Variants in SVIL observed in about 807,000 individuals in gnomAD.
SVIL encodes archvillin.
Under a neutral mutation model 240.4 loss-of-function variants are expected in SVIL, and 101 were observed. That is an observed-to-expected ratio of 0.42 (90% CI 0.36 to 0.50). The LOEUF (loss-of-function observed/expected upper bound fraction) is 0.50. Ranked by LOEUF, SVIL falls within the 20% of genes least tolerant of loss-of-function variation. The pLI is 0.01. For missense variants in SVIL, 2,512 were observed against 2,818.7 expected (o/e 0.89, Z 2.46); for synonymous variants, 999 against 1,100.0 (o/e 0.91, Z 1.82).
At chr10:29,494,787 G>T in intron 20 of SVIL, 127 bp downstream of exon 20, 1 of 878,690 alleles carries the variant, frequency 1.1e-6, no homozygotes, top group Non-Finnish European at 1.8e-6. Flanking sequence ...ACGTTATCAA[G>T]TGAATCAGGG....
intron 2 of SVIL, among the ~76,000 whole-genome samples, chr10:29,677,003 T>C (rs548529110): frequency 6.6e-6 from 1 of 152,328 alleles, no homozygotes; most frequent in South Asian, 2.1e-4. Context: ...ACAAAGTAAC[T>C]GGATCAACTA....
At chr10:29,598,668 C>G (rs531323392) in intron 1 of SVIL, among the ~76,000 whole-genome samples, 1 of 152,150 alleles carries the variant, frequency 6.6e-6, no homozygotes, top group Non-Finnish European at 1.5e-5. Flanking sequence ...AAGGATAATC[C>G]ATATGTTTGA....
Position 29,458,274 on chromosome 10 carries a change from G to A in SVIL, c.6618C>T (p.Asn2206=), listed in dbSNP as rs956315379. The A allele has an allele frequency of 2.5e-6, 4 of 1,614,206 alleles. No homozygotes were observed. The highest frequency in any genetic ancestry group is 1.7e-5 in the Admixed American group (1 of 60,026). ...YNALPAWKQV[N]LKKAKGLF ...AGAACAGGCCTTTTGCTTTCTTCAG[G>A]TTCACCTGCTTCCAGGCGGGCAGGG... Residue 2206 remains asparagine, a synonymous_variant, in exon 38 of 38, where the codon AAC becomes AAT. Coordinates refer to ENST00000355867, the MANE Select transcript of SVIL (RefSeq NM_021738.3).
chr10:29,649,449 A>AT (rs1958770682), intron 3 of SVIL, among the ~76,000 whole-genome samples: 1 of 152,220 alleles, frequency 6.6e-6, no homozygotes, highest in African/African-American at 2.4e-5. Context: ...AACCACACAC[A>AT]TAAGAAAATT....
rs181803166 is a variant in SVIL, at chr10:29,517,263, T to C, written c.3390-4402A>G. 2.2e-3 allele frequency among the ~76,000 whole-genome samples: 339 copies of C among 151,284 alleles called. 5 individuals are homozygous for C. The South Asian group carries it at 0.025, about 11-fold the overall frequency. On this transcript the variant is annotated intron_variant, in intron 16 of 37. Transcript: ENST00000355867. The stretch of plus-strand genomic sequence containing the variant: ...CCCCGTCTCTACAAAAAAATAAAAA[T>C]AAAAAATAAAAAGCCAGCTGAGCAT...
chr10:29,658,334 T>C (rs1959064563), intron 2 of SVIL, among the ~76,000 whole-genome samples: 1 of 152,250 alleles, frequency 6.6e-6, no homozygotes, highest in African/African-American at 2.4e-5. Context: ...AATAAAGTCA[T>C]TTCTATGCAA....
chr10:29,478,793 C>T (rs193047682), intron 29 of SVIL, among the ~76,000 whole-genome samples: 44 of 151,602 alleles, frequency 2.9e-4, no homozygotes, highest in African/African-American at 1.0e-3. Context: ...ATAATGGTGG[C>T]ATATGCCTGT....
In SVIL at chr10:29,473,962, G is replaced by A. The variant is rs779359184; in HGVS notation, c.5405C>T (p.Ser1802Leu). ...CTTCTCTTTGCCGGCTGCCCTCACC[G>A]AGTGCTCTCCCTTCTGGCGACTTCC... The part of the protein sequence containing the change: ...AVGSRQKGEH[S>L]VRAAGKEKCV... Residue 1802 changes from serine to leucine, a missense_variant, in exon 30 of 38, where the codon TCG becomes TTG. This residue lies in a region of SVIL where 797 missense variants were observed against 925.3 expected (regional missense o/e 0.86). Coordinates refer to ENST00000355867, the MANE Select transcript of SVIL (RefSeq NM_021738.3). The A allele has an allele frequency of 1.6e-5, 26 of 1,613,690 alleles. No individual in the cohort carries two copies. Among genetic ancestry groups the A allele is most frequent in the East Asian group, 2.2e-5 (1 of 44,886 alleles).
At chr10:29,555,176 G>A in intron 3 of SVIL, 68 bp from the exon 4 acceptor site, 1 of 1,414,854 alleles carries the variant, frequency 7.1e-7, no homozygotes. Context: ...ATTCACTCAT[G>A]CAACGTGTTT....
chr10:29,474,632 AATAAATAAAT>A (rs1945983148), intron 29 of SVIL, among the ~76,000 whole-genome samples: 1 of 151,468 alleles, frequency 6.6e-6, no homozygotes, highest in African/African-American at 2.4e-5. Context: ...TAAATAAATA[AATAAATAAAT>A]AAAGTATTTG....
At chr10:29,619,858 A>C (rs921970440) in intron 1 of SVIL, among the ~76,000 whole-genome samples, 1 of 152,222 alleles carries the variant, frequency 6.6e-6, no homozygotes, top group Non-Finnish European at 1.5e-5. Context: ...TTTTAAAAAG[A>C]TTATTGCAAA....
At chr10:29,564,988 A>T (rs1954847348) in intron 2 of SVIL, among the ~76,000 whole-genome samples, 1 of 152,064 alleles carries the variant, frequency 6.6e-6, no homozygotes. Context: ...GTGTTATTTT[A>T]ATTGATTATT....
At chr10:29,546,252 C>T in intron 6 of SVIL, among the ~76,000 whole-genome samples, 1 of 152,156 alleles carries the variant, frequency 6.6e-6, no homozygotes, top group East Asian at 1.9e-4. Context: ...CACTACCTCT[C>T]CAGCAAATAA....
At chr10:29,707,995 C>T (rs998638829) in intron 1 of SVIL, among the ~76,000 whole-genome samples, 20 of 152,126 alleles carry the variant, frequency 1.3e-4, no homozygotes, top group African/African-American at 4.3e-4. Context: ...CGGTGGCTCA[C>T]GCCTGTAATC....
At chr10:29,495,852 C>T (rs1948404881) in intron 18 of SVIL, among the ~76,000 whole-genome samples, 1 of 151,954 alleles carries the variant, frequency 6.6e-6, no homozygotes, top group Non-Finnish European at 1.5e-5. Context: ...GGAATTCCTG[C>T]ATGGAGAAAG....
intron 1 of SVIL, among the ~76,000 whole-genome samples, chr10:29,633,648 G>T (rs1201491069): frequency 1.4e-5 from 2 of 142,118 alleles, no homozygotes; most frequent in Non-Finnish European, 3.1e-5. Flanking sequence ...ATCTGATGTG[G>T]TATAAAGAAA....
intron 32 of SVIL, 57 bp downstream of exon 32, chr10:29,470,219 C>T (rs1945400961): frequency 1.3e-6 from 2 of 1,594,654 alleles, no homozygotes; most frequent in Non-Finnish European, 1.7e-6. Flanking sequence ...CTGAGCCTGC[C>T]CCGTCCCTCT....
chr10:29,531,339 A>G, intron 9 of SVIL, 51 bp from the exon 10 acceptor site: 1 of 1,524,186 alleles, frequency 6.6e-7, no homozygotes, highest in Non-Finnish European at 9.0e-7. Context: ...GTGGGAGCAG[A>G]AGATCGAAAT....
intron 36 of SVIL, among the ~76,000 whole-genome samples, chr10:29,461,562 T>TA (rs761971037): frequency 2.0e-5 from 3 of 152,076 alleles, no homozygotes; most frequent in Admixed American, 6.5e-5. Flanking sequence ...ATCAAAATGG[T>TA]AAAAAACCTA....
Sources: gnomAD v4.1 joint callset for allele counts (sites outside exome capture counted in the v4.1 genomes callset) on GRCh38, gnomAD v4.1.1 for gene constraint, gnomAD v4.1.1 regional missense constraint, MANE v1.5 for transcripts, NCBI Gene and HGNC (gene_info 2026-07-23, HGNC 2026-07-21) for gene names.